SRCIN1: variants seen among roughly 807,000 people sequenced by gnomAD.
SRCIN1 encodes P130Cas-associated protein.
In SRCIN1, 50 loss-of-function variants were observed where a neutral mutation model predicts 116.2. The ratio of observed to expected loss-of-function variants is 0.43; its 90% CI spans 0.34 to 0.54. The LOEUF is 0.54. Ranked by LOEUF, SRCIN1 falls within the 20% of genes least tolerant of loss-of-function variation. SRCIN1 has a pLI of 0.02. For missense variants in SRCIN1, 1,446 were observed against 1,672.0 expected, an observed-to-expected ratio of 0.86 and a Z score of 2.36; for synonymous variants, 736 against 750.0, an observed-to-expected ratio of 0.98 and a Z score of 0.30.
At position 38,563,285 on chromosome 17, in the gene SRCIN1, G is replaced by C; in HGVS notation, c.740+38C>G. The C allele has an allele frequency of 6.4e-7, 1 of 1,552,096 alleles. No individual in the cohort carries two copies. Among genetic ancestry groups the C allele is most frequent in the Non-Finnish European group, 8.7e-7 (1 of 1,147,562 alleles). ...CCAGCACCCTGCAGAGGAGGAGCGT[G>C]GGGAAGCCCACCCAAATCCCCCCCG... is the stretch of plus-strand genomic sequence containing the variant. On this transcript the variant is annotated intron_variant, in intron 5 of 18. Transcript: ENST00000617146. This position sits in a 1 kb window ranked among gnomAD's most constrained non-coding sequence, Gnocchi z 5.8.
Position 38,543,848 on chromosome 17 carries a change from T to TA in SRCIN1, c.3391dup (p.Tyr1131LeufsTer12). 2 of 1,607,790 alleles carry TA rather than the reference T, an allele frequency of 1.2e-6. No homozygotes were observed. Among genetic ancestry groups the TA allele is most frequent in the Non-Finnish European group, 1.7e-6 (2 of 1,179,714 alleles). On this transcript the variant is annotated frameshift_variant, in exon 18 of 19. Coordinates refer to ENST00000617146, the MANE Select transcript of SRCIN1 (RefSeq NM_025248.3). LOFTEE classifies it high-confidence loss of function. The stretch of plus-strand genomic sequence containing the variant: ...CTGCTGCTGGGCCTGGATCCGCATG[T>TA]ACTCGGCCCTCTGCTTGCCATGTTT...
intron 1 of SRCIN1, 83 bp downstream of exon 1, chr17:38,605,601 A>T: frequency 4.7e-6 from 5 of 1,059,384 alleles, no homozygotes; most frequent in South Asian, 1.7e-5. Context: ...CCCCCGGCCG[A>T]GGGGGAAAAC....
In SRCIN1 at chr17:38,552,708, G is replaced by A. The variant is rs757851130; in HGVS notation, c.2332+17C>T. ...CCACCCTGAACAACGTGCTGCATTC[G>A]CAGGCCCCAGACCCACCCTTGAGCT... On this transcript the variant is annotated intron_variant, in intron 12 of 18. Transcript: ENST00000617146. This position sits in a 1 kb window ranked among gnomAD's most constrained non-coding sequence, Gnocchi z 5.3. 2.6e-5 allele frequency: 42 copies of A among 1,612,808 alleles called. No homozygotes were observed. The highest frequency in any genetic ancestry group is 3.6e-5 in the Non-Finnish European group (42 of 1,179,456).
At chr17:38,575,012 G>A in intron 2 of SRCIN1, 1 of 400,580 alleles carries the variant, frequency 2.5e-6, no homozygotes, top group Non-Finnish European at 4.4e-6. Flanking sequence ...ATTAGGGGAA[G>A]CGGGCAGGAG....
At chr17:38,564,354 A>AC (rs1193305484) in intron 3 of SRCIN1, 41 bp from the exon 4 acceptor site, 18,200 of 1,206,820 alleles carry the variant, frequency 0.015, 72 homozygotes, top group African/African-American at 0.049. Context: ...AAGGATGAGC[A>AC]CCCCCCCTCC....
chr17:38,580,945 C>G (rs1023706670), intron 1 of SRCIN1, among the ~76,000 whole-genome samples: 2 of 152,190 alleles, frequency 1.3e-5, no homozygotes, highest in Non-Finnish European at 2.9e-5. Flanking sequence ...AAGAGTTCCT[C>G]CCACTTCAGC....
rs1906901389 is a variant in SRCIN1 at position 38,568,991 on chromosome 17, G to C, written c.325-760C>G. 6.6e-6 allele frequency among the ~76,000 whole-genome samples: 1 copy of C among 152,148 alleles called. No homozygotes were observed. The highest frequency in any genetic ancestry group is 2.4e-5 in the African/African-American group (1 of 41,426). On this transcript the variant is annotated intron_variant, in intron 2 of 18. Transcript: ENST00000617146. The surrounding 1 kb of genome is among the most constrained non-coding windows in gnomAD (Gnocchi z 4.5). ...AAGAGAGAGAGGCCTATGCAGCATG[G>C]TGGATCTAGTTTACAGAGCAGAGTG...
rs912426650 is a variant in SRCIN1, at chr17:38,561,676, G to A, written c.1487C>T (p.Ser496Leu). 5 of 1,559,988 alleles carry A rather than the reference G, an allele frequency of 3.2e-6. No individual in the cohort carries two copies. Among genetic ancestry groups the A allele is most frequent in the Non-Finnish European group, 4.3e-6 (5 of 1,155,712 alleles). The change falls in exon 7 of 19, where the codon TCG becomes TTG. Residue 496 changes from serine to leucine, a missense_variant. Ser to Leu is a moderately radical substitution (Grantham distance 145, BLOSUM62 -2). Transcript: ENST00000617146. The part of the protein sequence containing the change: ...GGPPPPHSPY[S>L]GPPSRGSPVR... The stretch of plus-strand genomic sequence containing the variant: ...TGGCGAGCCGCGGCTGGGCGGCCCC[G>A]AGTAGGGGCTGTGCGGTGGCGGGGG...
intron 3 of SRCIN1, among the ~76,000 whole-genome samples, chr17:38,564,932 C>A (rs993775624): frequency 1.3e-5 from 2 of 152,282 alleles, no homozygotes; most frequent in South Asian, 4.2e-4. Context: ...GGATTTGAGA[C>A]GACCTGCCCA....
Position 38,563,761 on chromosome 17 carries a change from G to C in SRCIN1, c.542-240C>G. ...CAGGCAGTTGAAGGAACTTGGACAA[G>C]GAAATGGAAGTGGGGGCAGAGCAGG... is the stretch of plus-strand genomic sequence containing the variant. On this transcript the variant is annotated intron_variant, in intron 4 of 18. Coordinates refer to ENST00000617146, the MANE Select transcript of SRCIN1 (RefSeq NM_025248.3). This position sits in a 1 kb window ranked among gnomAD's most constrained non-coding sequence, Gnocchi z 5.8. 1 of 684,536 alleles carries C rather than the reference G, an allele frequency of 1.5e-6. No individual in the cohort carries two copies. Among genetic ancestry groups the C allele is most frequent in the East Asian group, 2.7e-5 (1 of 36,992 alleles). The allele number at this position is 684,536 out of a possible 1,614,324, so 42.4% of individuals were successfully genotyped here. A position where few individuals can be genotyped will look rare whatever the true frequency, so the allele number is the denominator to read the frequency against.
rs1181128184 is a variant in SRCIN1 at position 38,552,336 on chromosome 17, G to C, written c.2480+111C>G. On this transcript the variant is annotated intron_variant, in intron 13 of 18. Transcript: ENST00000617146. The surrounding 1 kb of genome is among the most constrained non-coding windows in gnomAD (Gnocchi z 5.3). ...AGGGCAGAGCTGAGGTGCCAGTCCA[G>C]TCGGCACGCCAGTGACCTTTGGGGG... The C allele has an allele frequency of 1.0e-5, 15 of 1,459,746 alleles. No individual in the cohort carries two copies. The highest frequency in any genetic ancestry group is 1.4e-5 in the Non-Finnish European group (15 of 1,099,068). 90.4% of individuals were successfully genotyped at this position (1,459,746 alleles called of 1,614,324 possible).
chr17:38,580,212 T>C (rs1269233818), intron 1 of SRCIN1, among the ~76,000 whole-genome samples: 2 of 151,898 alleles, frequency 1.3e-5, no homozygotes, highest in Admixed American at 6.6e-5. Context: ...AGGTCTGCCA[T>C]CCCCTGCCCA....
intron 11 of SRCIN1, among the ~76,000 whole-genome samples, chr17:38,553,089 T>A (rs2088635128): frequency 6.6e-6 from 1 of 151,976 alleles, no homozygotes; most frequent in Non-Finnish European, 1.5e-5. Flanking sequence ...ACCTCATCAC[T>A]ACAAAAAAAT....
intron 17 of SRCIN1, chr17:38,545,400 G>A (rs1905018003): frequency 1.3e-5 from 2 of 152,866 alleles, no homozygotes; most frequent in South Asian, 2.1e-4. Flanking sequence ...AGGGAGGGTT[G>A]GGGGCACACT....
At chr17:38,601,921 TAG>T (rs967566158) in intron 1 of SRCIN1, among the ~76,000 whole-genome samples, 19 of 151,192 alleles carry the variant, frequency 1.3e-4, no homozygotes, top group East Asian at 7.8e-4. Flanking sequence ...AGGACAGGGT[TAG>T]AGAGAGAGAC....
At chr17:38,574,984 C>G (rs944188798) in intron 2 of SRCIN1, 1 of 400,936 alleles carries the variant, frequency 2.5e-6, no homozygotes, top group Admixed American at 4.4e-5. Context: ...CCTGTGTGTG[C>G]GAAGCGGGGG....
chr17:38,563,913 G>A lies in SRCIN1; in HGVS notation c.541+205C>T, dbSNP rs976130364. On this transcript the variant is annotated intron_variant, in intron 4 of 18. Transcript: ENST00000617146. The surrounding 1 kb of genome is among the most constrained non-coding windows in gnomAD (Gnocchi z 5.8). ...AAAGGAAGCAAGAGGGAGAGAGGAG[G>A]CTTGGAGGGAAAGGGGTCGGGTGGG... 70 of 624,346 alleles carry A rather than the reference G, an allele frequency of 1.1e-4. No individual in the cohort carries two copies. In the Middle Eastern group the frequency reaches 1.7e-3, roughly 15 times the overall value. The allele number at this position is 624,346 out of a possible 1,614,324, so 38.7% of individuals were successfully genotyped here. A position where few individuals can be genotyped will look rare whatever the true frequency, so the allele number is the denominator to read the frequency against.
chr17:38,562,479 C>T lies in SRCIN1; in HGVS notation c.835-151G>A, dbSNP rs1296090646. Among the ~76,000 whole-genome samples the T allele has an allele frequency of 2.0e-5, 3 of 152,238 alleles. No individual in the cohort carries two copies. The highest frequency in any genetic ancestry group is 7.2e-5 in the African/African-American group (3 of 41,460). On this transcript the variant is annotated intron_variant, in intron 6 of 18. Transcript: ENST00000617146. The surrounding 1 kb of genome is among the most constrained non-coding windows in gnomAD (Gnocchi z 4.2). The stretch of plus-strand genomic sequence containing the variant: ...ATCCTGCTGCGTCTAGGGTCCCTTT[C>T]CCATCAGGGTTCCTAGCATGGAGGA...
chr17:38,533,934 C>T (rs2144875061), intron 18 of SRCIN1, among the ~76,000 whole-genome samples: 1 of 152,170 alleles, frequency 6.6e-6, no homozygotes, highest in Admixed American at 6.5e-5. Context: ...GGGGCTTATC[C>T]TCCCAGGGGG....
Sources: gnomAD v4.1 joint callset for allele counts (sites outside exome capture counted in the v4.1 genomes callset) on GRCh38, gnomAD v4.1.1 for gene constraint, Gnocchi (gnomAD v3.1) non-coding constraint, MANE v1.5 for transcripts, NCBI Gene and HGNC (gene_info 2026-07-23, HGNC 2026-07-21) for gene names.